The following CNBD1 variants were observed in gnomAD, a reference collection of about 807,000 sequenced individuals.
CNBD1 encodes the protein cyclic nucleotide binding domain containing 1.
Under a neutral mutation model 54.4 loss-of-function variants are expected in CNBD1, and 71 were observed. That is an observed-to-expected ratio of 1.30 (90% CI 1.08 to 1.59). CNBD1 has a LOEUF of 1.59. Among genes scored for constraint, CNBD1 ranks in the 40% most tolerant of loss-of-function variants. The pLI is 0.00. For synonymous variants in CNBD1, 182 were observed against 170.7 expected (o/e 1.07, Z -0.51); for missense variants, 659 against 518.0 (o/e 1.27, Z -2.64).
rs145380519 is a variant in CNBD1, at chr8:87,059,511, TG to T, written c.431+119761del. On this transcript the variant is annotated intron_variant, in intron 4 of 10. Coordinates refer to ENST00000518476, the MANE Select transcript of CNBD1 (RefSeq NM_173538.3). ...AACTTGACTCACAGTTCTGCAGAGC[TG>T]GGGAGGCCTCAGGAAACTTAAAATC... Among the ~76,000 whole-genome samples the T allele has an allele frequency of 9.8e-4, 150 of 152,318 alleles. 1 individual carries two copies. The highest frequency in any genetic ancestry group is 3.4e-3 in the African/African-American group (141 of 41,582).
chr8:86,947,351 T>A (rs958145902), intron 4 of CNBD1, among the ~76,000 whole-genome samples: 2 of 152,084 alleles, frequency 1.3e-5, no homozygotes, highest in African/African-American at 2.4e-5. Context: ...TCTGAGGAAA[T>A]GTGTGTGTGA....
downstream of CNBD1, among the ~76,000 whole-genome samples, chr8:87,386,612 A>G (rs1310045872): frequency 1.3e-5 from 2 of 152,208 alleles, no homozygotes. Flanking sequence ...CTATGTGAAA[A>G]GAACAAATCT....
At chr8:87,387,503 C>A (rs1811213736), downstream of CNBD1, among the ~76,000 whole-genome samples, 1 of 152,036 alleles carries the variant, frequency 6.6e-6, no homozygotes, top group Non-Finnish European at 1.5e-5. Context: ...TCAAAAGAGA[C>A]AAAGAAAGCC....
At chr8:87,355,646 G>T (rs778511967) in intron 10 of CNBD1, among the ~76,000 whole-genome samples, 2 of 152,126 alleles carry the variant, frequency 1.3e-5, no homozygotes, top group African/African-American at 2.4e-5. Context: ...TGGGAGTAAA[G>T]GATGAAAGCA....
intron 6 of CNBD1, among the ~76,000 whole-genome samples, chr8:87,250,799 G>A (rs1480648012): frequency 6.6e-6 from 1 of 152,162 alleles, no homozygotes; most frequent in African/African-American, 2.4e-5. Context: ...GATAGTGAGT[G>A]GAATGATGTT....
Position 87,206,103 on chromosome 8 carries a change from CTG to C in CNBD1, c.544_545del (p.Val182LeufsTer15), listed in dbSNP as rs1813968228. Reference sequence around the variant, plus strand: ...AAGCATCTGAAAACACTTAGTAAGACTGTCTTTTCCGAAACCTGGTTGAAAGG... The same window carrying C: ...AAGCATCTGAAAACACTTAGTAAGACTCTTTTCCGAAACCTGGTTGAAAGG... On this transcript the variant is annotated frameshift_variant, in exon 5 of 11. Transcript: ENST00000518476. LOFTEE classifies it high-confidence loss of function. 1 of 1,590,570 alleles carries C rather than the reference CTG, an allele frequency of 6.3e-7. No homozygotes were observed.
chr8:86,907,114 T>G (rs771691879), intron 3 of CNBD1, among the ~76,000 whole-genome samples: 2 of 152,242 alleles, frequency 1.3e-5, no homozygotes, highest in Admixed American at 1.3e-4. Context: ...TTTGCTGGGT[T>G]GGTTTCATCG....
intron 2 of CNBD1, among the ~76,000 whole-genome samples, chr8:86,898,585 A>G (rs1020005631): frequency 3.3e-5 from 5 of 152,206 alleles, no homozygotes; most frequent in Admixed American, 2.6e-4. Flanking sequence ...TGGATTTTCA[A>G]TAAATGATAC....
intron 8 of CNBD1, among the ~76,000 whole-genome samples, chr8:87,329,063 A>G (rs1192243206): frequency 6.6e-6 from 1 of 151,270 alleles, no homozygotes; most frequent in Admixed American, 6.6e-5. Flanking sequence ...TTTATTTTAA[A>G]TTTAGGTCTG....
intron 1 of CNBD1, among the ~76,000 whole-genome samples, chr8:86,874,741 C>T (rs1009223585): frequency 6.6e-6 from 1 of 151,802 alleles, no homozygotes; most frequent in Admixed American, 6.6e-5. Context: ...GTGGGAGCCA[C>T]TTCAAGTTGG....
At chr8:86,946,872 T>A (rs1288008550) in intron 4 of CNBD1, among the ~76,000 whole-genome samples, 2 of 152,176 alleles carry the variant, frequency 1.3e-5, no homozygotes, top group East Asian at 3.8e-4. Flanking sequence ...ATTAAAGTCA[T>A]CTTGAATGGT....
At chr8:87,098,818 A>T (rs904251532) in intron 4 of CNBD1, among the ~76,000 whole-genome samples, 1 of 151,544 alleles carries the variant, frequency 6.6e-6, no homozygotes, top group Non-Finnish European at 1.5e-5. Context: ...CGGGTGGATC[A>T]TGAGGTCAGG....
chr8:87,066,313 A>C (rs1464705288), intron 4 of CNBD1, among the ~76,000 whole-genome samples: 7 of 151,802 alleles, frequency 4.6e-5, no homozygotes, highest in Non-Finnish European at 1.0e-4. Flanking sequence ...AAATCAGAAT[A>C]AGAATTATTC....
chr8:87,112,439 A>T (rs944109139), intron 4 of CNBD1, among the ~76,000 whole-genome samples: 2 of 152,106 alleles, frequency 1.3e-5, no homozygotes, highest in African/African-American at 2.4e-5. Flanking sequence ...GTTCAGCTTG[A>T]TTAGCCCTTC....
In CNBD1 at chr8:87,125,460, C is replaced by T. The variant is rs1811972585; in HGVS notation, c.432-80533C>T. Among the ~76,000 whole-genome samples, 3 of 151,770 alleles carry T rather than the reference C, an allele frequency of 2.0e-5. No individual in the cohort carries two copies. In the South Asian group the frequency reaches 6.2e-4, roughly 31 times the overall value. On this transcript the variant is annotated intron_variant, in intron 4 of 10. Coordinates refer to ENST00000518476, the MANE Select transcript of CNBD1 (RefSeq NM_173538.3). Reference sequence around the variant, plus strand: ...TCGGCCAATAAAACAGTATCCAAAACCCATAAATATGCCCATGCATTTATA... The same window carrying T: ...TCGGCCAATAAAACAGTATCCAAAATCCATAAATATGCCCATGCATTTATA...
intron 3 of CNBD1, among the ~76,000 whole-genome samples, chr8:86,910,793 A>C (rs529086430): frequency 1.3e-4 from 20 of 152,330 alleles, no homozygotes; most frequent in African/African-American, 4.1e-4. Flanking sequence ...GGTTAAGAGC[A>C]GAGGTTTAAT....
intron 2 of CNBD1, among the ~76,000 whole-genome samples, chr8:87,404,081 G>T (rs1273645869): frequency 1.3e-5 from 2 of 152,032 alleles, no homozygotes; most frequent in Non-Finnish European, 2.9e-5. Context: ...ACTATCTGAT[G>T]AAAGGCCATA....
chr8:86,940,437 A>G (rs1809634140), intron 4 of CNBD1, among the ~76,000 whole-genome samples: 1 of 152,076 alleles, frequency 6.6e-6, no homozygotes, highest in Admixed American at 6.5e-5. Context: ...TCGGCCTGGG[A>G]TTACAGGTGT....
chr8:86,940,251 C>A (rs1459562498), intron 4 of CNBD1, among the ~76,000 whole-genome samples: 1 of 149,422 alleles, frequency 6.7e-6, no homozygotes, highest in South Asian at 2.1e-4. Flanking sequence ...ACTGCAACCT[C>A]CGCCTCCTGG....
Sources: gnomAD v4.1 joint callset for allele counts (sites outside exome capture counted in the v4.1 genomes callset) on GRCh38, gnomAD v4.1.1 for gene constraint, MANE v1.5 for transcripts, NCBI Gene and HGNC (gene_info 2026-07-23, HGNC 2026-07-21) for gene names.